Variants in PCDHGA10 observed in about 807,000 individuals in gnomAD.
The protein encoded by PCDHGA10 is protocadherin gamma-A10.
Under a neutral mutation model 59.5 loss-of-function variants are expected in PCDHGA10, and 42 were observed. The ratio of observed to expected loss-of-function variants is 0.71; its 90% CI spans 0.55 to 0.91. The LOEUF is 0.91. Ranked by LOEUF, PCDHGA10 falls within the 40% of genes least tolerant of loss-of-function variation. The probability of loss-of-function intolerance (pLI) is 0.00; values close to 1 mark genes in which losing one functional copy is unlikely to be tolerated. For missense variants in PCDHGA10, 1,111 were observed against 1,198.2 expected, an observed-to-expected ratio of 0.93 and a Z score of 1.07; for synonymous variants, 511 against 517.2, an observed-to-expected ratio of 0.99 and a Z score of 0.16.
At chr5:141,418,922 C>A in intron 1 of PCDHGA10, 1 of 1,613,994 alleles carries the variant, frequency 6.2e-7, no homozygotes, top group Non-Finnish European at 8.5e-7. Context: ...ACTCTCTGAT[C>A]AGATTATGGA....
At chr5:141,430,383 GA>G (rs139772145) in intron 1 of PCDHGA10, among the ~76,000 whole-genome samples, 3,229 of 138,382 alleles carry the variant, frequency 0.023, 41 homozygotes, top group African/African-American at 0.033. Flanking sequence ...AGCTCATTGG[GA>G]AAAAAAAAAA....
At chr5:141,484,620 C>G (rs536622819) in intron 1 of PCDHGA10, among the ~76,000 whole-genome samples, 25 of 151,974 alleles carry the variant, frequency 1.6e-4, no homozygotes, top group African/African-American at 6.0e-4. Flanking sequence ...ACAACACTGG[C>G]TTGAACAAAG....
At position 141,489,748 on chromosome 5, in the gene PCDHGA10, T is replaced by C. The variant is rs763688648; in HGVS notation, c.2437-5059T>C. On this transcript the variant is annotated intron_variant, in intron 1 of 3. Transcript: ENST00000398610. The surrounding 1 kb of genome is among the most constrained non-coding windows in gnomAD (Gnocchi z 4.5). ...TGTGGGCACCAATACTGTGAGCTTT[T>C]ACACTCTAAGCCCCAACAGCCACTT... is the stretch of plus-strand genomic sequence containing the variant. The C allele has an allele frequency of 1.8e-5, 29 of 1,614,038 alleles. No homozygotes were observed. Among genetic ancestry groups the C allele is most frequent in the Non-Finnish European group, 1.6e-5 (19 of 1,180,010 alleles).
chr5:141,508,799 C>T (rs962590711), intron 3 of PCDHGA10, among the ~76,000 whole-genome samples: 1 of 152,110 alleles, frequency 6.6e-6, no homozygotes, highest in Non-Finnish European at 1.5e-5. Context: ...ACTCTGGAAT[C>T]CTGGCTCTTT....
At chr5:141,421,211 T>A (rs866635411) in intron 1 of PCDHGA10, 8 of 1,541,100 alleles carry the variant, frequency 5.2e-6, no homozygotes. Flanking sequence ...CCGCGGAATA[T>A]CGGCTTAGAG....
intron 1 of PCDHGA10, among the ~76,000 whole-genome samples, chr5:141,449,607 A>G (rs1279835785): frequency 1.3e-5 from 2 of 149,984 alleles, no homozygotes; most frequent in African/African-American, 4.9e-5. Flanking sequence ...AAAAAAAAAA[A>G]GTAAAAAAGT....
intron 2 of PCDHGA10, among the ~76,000 whole-genome samples, chr5:141,495,550 G>A (rs999176899): frequency 6.6e-6 from 1 of 151,958 alleles, no homozygotes; most frequent in Non-Finnish European, 1.5e-5. Context: ...TCTCTATCTC[G>A]CTTTGCAATC....
chr5:141,475,080 C>T (rs963278755), intron 1 of PCDHGA10, among the ~76,000 whole-genome samples: 3 of 152,128 alleles, frequency 2.0e-5, no homozygotes, highest in South Asian at 4.1e-4. Flanking sequence ...GCCATTATTT[C>T]AATAATTTTA....
intron 1 of PCDHGA10, chr5:141,423,709 C>G (rs2096768343): frequency 8.7e-7 from 1 of 1,147,590 alleles, no homozygotes; most frequent in African/African-American, 1.9e-5. Context: ...TGGCACAAGT[C>G]TTTTAAGGAG....
At chr5:141,433,404 TATTA>T (rs142533293) in intron 1 of PCDHGA10, among the ~76,000 whole-genome samples, 252 of 146,310 alleles carry the variant, frequency 1.7e-3, no homozygotes, top group African/African-American at 6.2e-3. Context: ...TCTATCTATC[TATTA>T]CTTTCTTGTA....
At chr5:141,462,584 A>C (rs959398950) in intron 1 of PCDHGA10, among the ~76,000 whole-genome samples, 1 of 152,124 alleles carries the variant, frequency 6.6e-6, no homozygotes, top group African/African-American at 2.4e-5. Context: ...CATCCAGTGA[A>C]GTTTCCATTT....
chr5:141,486,150 G>T lies in PCDHGA10; in HGVS notation c.2437-8657G>T. The T allele has an allele frequency of 6.2e-7, 1 of 1,614,180 alleles. No individual in the cohort carries two copies. The highest frequency in any genetic ancestry group is 8.5e-7 in the Non-Finnish European group (1 of 1,180,030). On this transcript the variant is annotated intron_variant, in intron 1 of 3. Transcript: ENST00000398610. This position sits in a 1 kb window ranked among gnomAD's most constrained non-coding sequence, Gnocchi z 5.0. The stretch of plus-strand genomic sequence containing the variant: ...TTTGATGTGCGGGCTCGCGATGGGG[G>T]TTCTCCAGCCATGGAGCAACATTGC...
At chr5:141,416,761 C>G (rs1371541017) in intron 1 of PCDHGA10, 2 of 152,140 alleles carry the variant, frequency 1.3e-5, no homozygotes, top group Non-Finnish European at 2.9e-5. Context: ...AGGTAGATCT[C>G]TTAATTTTAT....
At chr5:141,448,185 G>A (rs2098572532) in intron 1 of PCDHGA10, among the ~76,000 whole-genome samples, 1 of 152,020 alleles carries the variant, frequency 6.6e-6, no homozygotes, top group Non-Finnish European at 1.5e-5. Flanking sequence ...CCCTGGTTAT[G>A]TACACTTACA....
rs1591094034 is a variant in PCDHGA10 at position 141,431,659 on chromosome 5, A to T, written c.2436+16048A>T. 3.7e-6 allele frequency: 6 copies of T among 1,614,246 alleles called. No individual in the cohort carries two copies. The highest frequency in any genetic ancestry group is 3.4e-6 in the Non-Finnish European group (4 of 1,180,036). On this transcript the variant is annotated intron_variant, in intron 1 of 3. Coordinates refer to ENST00000398610, the MANE Select transcript of PCDHGA10 (RefSeq NM_018913.3). This position sits in a 1 kb window ranked among gnomAD's most constrained non-coding sequence, Gnocchi z 4.8. ...TCAAACTAGATTGTAATTCAGGGAC[A>T]ATATCAACAATAGGGGAGTTGGACC...
intron 1 of PCDHGA10, chr5:141,421,090 G>C (rs552694052): frequency 1.5e-6 from 1 of 661,192 alleles, no homozygotes; most frequent in Admixed American, 3.2e-5. Context: ...CACAGATCCT[G>C]ACACTGGAGA....
chr5:141,463,446 T>TC, intron 1 of PCDHGA10, among the ~76,000 whole-genome samples: 1 of 125,012 alleles, frequency 8.0e-6, no homozygotes, highest in Non-Finnish European at 1.7e-5. Flanking sequence ...TCCTTTTTTT[T>TC]TTTTTTTTTT....
chr5:141,485,503 C>T lies in PCDHGA10; in HGVS notation c.2437-9304C>T, dbSNP rs1057374827. The T allele has an allele frequency of 5.0e-6, 8 of 1,614,096 alleles. No homozygotes were observed. The highest frequency in any genetic ancestry group is 6.8e-6 in the Non-Finnish European group (8 of 1,180,008). On this transcript the variant is annotated intron_variant, in intron 1 of 3. Coordinates refer to ENST00000398610, the MANE Select transcript of PCDHGA10 (RefSeq NM_018913.3). This position sits in a 1 kb window ranked among gnomAD's most constrained non-coding sequence, Gnocchi z 5.7. ...GCATCGTGCCCCTGGAGTTTGTCAC[C>T]GAAGGTCCTTTGGAAATGTACCGAG...
intron 1 of PCDHGA10, among the ~76,000 whole-genome samples, chr5:141,470,459 AT>A: frequency 6.6e-6 from 1 of 152,096 alleles, no homozygotes; most frequent in East Asian, 1.9e-4. Flanking sequence ...CTTGAATAGG[AT>A]TTTCTGATAT....
Sources: allele counts gnomAD v4.1 joint callset (sites outside exome capture counted in the v4.1 genomes callset), GRCh38; gene constraint gnomAD v4.1.1; non-coding constraint Gnocchi (gnomAD v3.1); transcripts MANE v1.5; gene names NCBI Gene and HGNC (gene_info 2026-07-23, HGNC 2026-07-21).